Variants in SCARB1 observed in about 807,000 individuals in gnomAD.
The protein encoded by SCARB1 is CD36 and LIMPII analogous 1.
A neutral mutation model predicts 57.2 loss-of-function variants in SCARB1; 30 were observed. That is an observed-to-expected ratio of 0.52 (90% CI 0.39 to 0.71). The LOEUF is 0.71. Among genes scored for constraint, SCARB1 ranks in the 30% least tolerant of loss-of-function variants. The probability of loss-of-function intolerance (pLI) is 0.00; values close to 1 mark genes in which losing one functional copy is unlikely to be tolerated. For synonymous variants in SCARB1, 249 were observed against 268.3 expected (o/e 0.93, Z 0.70); for missense variants, 543 against 671.2 (o/e 0.81, Z 2.11).
rs1239984564 is a variant in SCARB1 at position 124,777,974 on chromosome 12, G to C, written c.*613C>G. The C allele has an allele frequency of 6.5e-6, 1 of 153,266 alleles. No homozygotes were observed. The allele number at this position is 153,266 out of a possible 1,614,324, so 9.5% of individuals were successfully genotyped here. ...GGGGATCAAAGTCCGGCCGGGGTGG[G>C]CGGAGACCCTCGGGCAGCTGCACAG... is the stretch of plus-strand genomic sequence containing the variant. On this transcript the variant is annotated 3_prime_UTR_variant, in exon 13 of 13. Coordinates refer to ENST00000261693, the MANE Select transcript of SCARB1 (RefSeq NM_005505.5).
intron 1 of SCARB1, among the ~76,000 whole-genome samples, chr12:124,844,817 C>CTTTTT (rs771987604): frequency 7.1e-6 from 1 of 140,994 alleles, no homozygotes; most frequent in Admixed American, 7.3e-5. Flanking sequence ...TTCTTTCTTT[C>CTTTTT]TTTTTTTTTT....
At chr12:124,821,759 A>T (rs1449664337) in intron 1 of SCARB1, among the ~76,000 whole-genome samples, 1 of 152,232 alleles carries the variant, frequency 6.6e-6, no homozygotes, top group Non-Finnish European at 1.5e-5. Context: ...CCAGAGGGTC[A>T]GCCCTGCAGT....
At chr12:124,794,861 C>A (rs998661083) in intron 9 of SCARB1, among the ~76,000 whole-genome samples, 4 of 152,062 alleles carry the variant, frequency 2.6e-5, no homozygotes, top group African/African-American at 7.2e-5. Context: ...ACCTGGGAGG[C>A]GGAGGTTGTG....
At chr12:124,823,096 A>G (rs1331727387) in intron 1 of SCARB1, among the ~76,000 whole-genome samples, 1 of 152,268 alleles carries the variant, frequency 6.6e-6, no homozygotes, top group Non-Finnish European at 1.5e-5. Context: ...AGACTAACAT[A>G]TCAATAGAAA....
rs773585501 is a variant in SCARB1, at chr12:124,811,958, T to G, written c.638A>C (p.Asn213Thr). 30 of 1,611,128 alleles carry G rather than the reference T, an allele frequency of 1.9e-5. No homozygotes were observed. The highest frequency in any genetic ancestry group is 2.4e-5 in the Non-Finnish European group (28 of 1,178,800). The change falls in exon 5 of 13, where the codon AAC becomes ACC. Residue 213 changes from asparagine to threonine, a missense_variant. Asn to Thr is a moderately conservative substitution (Grantham distance 65, BLOSUM62 0). Transcript: ENST00000261693. ...DKFGLFAELNNSDSGLFTVFT... is the reference protein window; with the variant it reads ...DKFGLFAELNTSDSGLFTVFT... ...CACCGTGAAGAGCCCAGAGTCGGAGTTGTTGAGCTACAGACACAGCAGGGA... is the reference window on the plus strand; with the variant it reads ...CACCGTGAAGAGCCCAGAGTCGGAGGTGTTGAGCTACAGACACAGCAGGGA...
intron 9 of SCARB1, among the ~76,000 whole-genome samples, chr12:124,790,038 G>A (rs956402986): frequency 1.3e-5 from 2 of 150,488 alleles, no homozygotes; most frequent in Non-Finnish European, 3.0e-5. Flanking sequence ...GAAGCAGGAG[G>A]TTAGAGGCAG....
chr12:124,821,249 C>CACACACACACAG (rs72060655), intron 1 of SCARB1: 2 of 312,436 alleles, frequency 6.4e-6, no homozygotes, highest in Non-Finnish European at 9.3e-6. Flanking sequence ...CACACACACA[C>CACACACACACAG]ACACACACAC....
At chr12:124,833,563 C>A (rs1281366384) in intron 1 of SCARB1, among the ~76,000 whole-genome samples, 1 of 152,168 alleles carries the variant, frequency 6.6e-6, no homozygotes. Context: ...TCCTGGGGAT[C>A]AGGACGCCAG....
chr12:124,800,057 G>T lies in SCARB1; in HGVS notation c.1128+67C>A. 2 of 1,198,734 alleles carry T rather than the reference G, an allele frequency of 1.7e-6. No individual in the cohort carries two copies. Among genetic ancestry groups the T allele is most frequent in the Non-Finnish European group, 2.5e-6 (2 of 803,852 alleles). 74.3% of individuals were successfully genotyped at this position (1,198,734 alleles called of 1,614,324 possible). On this transcript the variant is annotated intron_variant, in intron 8 of 12. Coordinates refer to ENST00000261693, the MANE Select transcript of SCARB1 (RefSeq NM_005505.5). This position sits in a 1 kb window ranked among gnomAD's most constrained non-coding sequence, Gnocchi z 4.8. ...CACAGCAGCTCTCTGCCTGGGGAGA[G>T]AGGAGGCAGCCAGGTGTGCTCCAAC...
chr12:124,818,539 T>A (rs1950826506), intron 1 of SCARB1, among the ~76,000 whole-genome samples: 1 of 152,218 alleles, frequency 6.6e-6, no homozygotes, highest in African/African-American at 2.4e-5. Flanking sequence ...TGATCTTGGC[T>A]AACTGCAACC....
intron 1 of SCARB1, among the ~76,000 whole-genome samples, chr12:124,847,526 C>G (rs1952214955): frequency 6.6e-6 from 1 of 152,246 alleles, no homozygotes; most frequent in African/African-American, 2.4e-5. Context: ...TTCCACCCGA[C>G]CAGCCCTGAG....
intron 1 of SCARB1, among the ~76,000 whole-genome samples, chr12:124,827,218 A>C (rs540312310): frequency 6.6e-6 from 1 of 152,214 alleles, no homozygotes; most frequent in East Asian, 1.9e-4. Flanking sequence ...AGCTCCCCGA[A>C]AAAGAAATTC....
intron 12 of SCARB1, among the ~76,000 whole-genome samples, chr12:124,779,242 C>T (rs1872928618): frequency 6.6e-6 from 1 of 152,368 alleles, no homozygotes; most frequent in Middle Eastern, 3.4e-3. Context: ...AGACACCATG[C>T]CTGGCCTGTG....
At chr12:124,827,288 G>A (rs1214801340) in intron 1 of SCARB1, among the ~76,000 whole-genome samples, 2 of 152,166 alleles carry the variant, frequency 1.3e-5, no homozygotes, top group African/African-American at 4.8e-5. Flanking sequence ...ATAATAGATC[G>A]AGTAAGTGTG....
intron 9 of SCARB1, among the ~76,000 whole-genome samples, chr12:124,791,591 T>C (rs1171669126): frequency 2.0e-5 from 3 of 152,208 alleles, no homozygotes; most frequent in Non-Finnish European, 1.5e-5. Context: ...CACTTTGCCA[T>C]GCACAGCAGT....
At chr12:124,785,824 A>C (rs1458520735) in intron 11 of SCARB1, 3 of 491,632 alleles carry the variant, frequency 6.1e-6, no homozygotes, top group Non-Finnish European at 1.1e-5. Context: ...GCTATTAGAA[A>C]ATTTAAACTG....
At chr12:124,798,362 G>A (rs1330955308) in intron 8 of SCARB1, among the ~76,000 whole-genome samples, 1 of 152,086 alleles carries the variant, frequency 6.6e-6, no homozygotes, top group Non-Finnish European at 1.5e-5. Flanking sequence ...AGGGAGCCAC[G>A]ATCATGCCAC....
rs1950095910 is a variant in SCARB1, at chr12:124,800,639, A to C, written c.1010-397T>G. Reference sequence around the variant, plus strand: ...ATGGAAAAGGCAACGCCAGATTTGAACTTGGGTGTGGGGAGGGGAGTCTCA... The same window carrying C: ...ATGGAAAAGGCAACGCCAGATTTGACCTTGGGTGTGGGGAGGGGAGTCTCA... On this transcript the variant is annotated intron_variant, in intron 7 of 12. Transcript: ENST00000261693. The surrounding 1 kb of genome is among the most constrained non-coding windows in gnomAD (Gnocchi z 4.8). Among the ~76,000 whole-genome samples the C allele has an allele frequency of 1.3e-5, 2 of 152,082 alleles. No homozygotes were observed. The highest frequency in any genetic ancestry group is 4.8e-5 in the African/African-American group (2 of 41,408).
At chr12:124,816,757 C>T (rs1030619654) in intron 2 of SCARB1, among the ~76,000 whole-genome samples, 1 of 152,062 alleles carries the variant, frequency 6.6e-6, no homozygotes, top group African/African-American at 2.4e-5. Context: ...CTCAGAGCTC[C>T]GAGTGCATCC....
Sources: allele counts gnomAD v4.1 joint callset (sites outside exome capture counted in the v4.1 genomes callset), GRCh38; gene constraint gnomAD v4.1.1; non-coding constraint Gnocchi (gnomAD v3.1); transcripts MANE v1.5; gene names NCBI Gene and HGNC (gene_info 2026-07-23, HGNC 2026-07-21).